The following LMCD1 variants were observed in gnomAD, a reference collection of about 807,000 sequenced individuals.
LMCD1 encodes LIM and cysteine rich domains 1.
In LMCD1, 32 loss-of-function variants were observed where a neutral mutation model predicts 42.7. The ratio of observed to expected loss-of-function variants is 0.75; its 90% CI spans 0.57 to 1.01. The LOEUF (loss-of-function observed/expected upper bound fraction) is 1.01. Among genes scored for constraint, LMCD1 ranks in the 50% least tolerant of loss-of-function variants. The pLI, the probability that LMCD1 is intolerant of heterozygous loss-of-function variation, is 0.00. For missense variants in LMCD1, 458 were observed against 483.1 expected, an observed-to-expected ratio of 0.95 and a Z score of 0.49; for synonymous variants, 178 against 184.9, an observed-to-expected ratio of 0.96 and a Z score of 0.30.
chr3:8,504,070 AG>A (rs1385048299), intron 1 of LMCD1, among the ~76,000 whole-genome samples: 2 of 152,178 alleles, frequency 1.3e-5, no homozygotes, highest in African/African-American at 4.8e-5. Flanking sequence ...ATCCAATTAC[AG>A]GCTTAGAGAA....
At chr3:8,502,992 C>G (rs114040738) in intron 1 of LMCD1, among the ~76,000 whole-genome samples, 100 of 152,284 alleles carry the variant, frequency 6.6e-4, no homozygotes, top group African/African-American at 2.4e-3. Context: ...TTTAACTGCA[C>G]ATGATTCACC....
rs767993356 is a variant in LMCD1 at position 8,524,200 on chromosome 3, G to GA, written c.43-8517dup. ...CCCCAGAAAAATCATACTTCTTAAG[G>GA]AAAAAAAAAAAAAAAAAAAAGACTT... On this transcript the variant is annotated intron_variant, in intron 1 of 5. Transcript: ENST00000157600. Among the ~76,000 whole-genome samples, 863 of 87,394 alleles carry GA rather than the reference G, an allele frequency of 9.9e-3. 3 individuals are homozygous for GA. Among genetic ancestry groups the GA allele is most frequent in the East Asian group, 0.014 (41 of 3,022 alleles). The allele number at this position is 87,394 out of a possible 152,430, so 57.3% of individuals were successfully genotyped here.
intron 1 of LMCD1, among the ~76,000 whole-genome samples, chr3:8,515,516 C>T (rs1389521454): frequency 6.6e-6 from 1 of 152,192 alleles, no homozygotes; most frequent in Non-Finnish European, 1.5e-5. Context: ...GCCTGCTTAA[C>T]TCCTGTACCA....
At chr3:8,517,132 A>G (rs968836863) in intron 1 of LMCD1, among the ~76,000 whole-genome samples, 7 of 152,242 alleles carry the variant, frequency 4.6e-5, no homozygotes, top group African/African-American at 1.7e-4. Flanking sequence ...TTCCTTCTGT[A>G]CAGTGGGAGG....
At chr3:8,558,768 T>C (rs1261988470) in intron 4 of LMCD1, among the ~76,000 whole-genome samples, 3 of 152,224 alleles carry the variant, frequency 2.0e-5, no homozygotes, top group East Asian at 3.8e-4. Flanking sequence ...TGAGCCTTTG[T>C]TGTAACTGAA....
rs76973021 is a variant in LMCD1, at chr3:8,508,717, C to G, written c.42+6737C>G. On this transcript the variant is annotated intron_variant, in intron 1 of 5. Coordinates refer to ENST00000157600, the MANE Select transcript of LMCD1 (RefSeq NM_014583.4). Reference sequence around the variant, plus strand: ...GGCATATCTGAAATTTACAAACTTACATTTACATGAGTGGTGCCACAACCA... The same window carrying G: ...GGCATATCTGAAATTTACAAACTTAGATTTACATGAGTGGTGCCACAACCA... 2.5e-3 allele frequency among the ~76,000 whole-genome samples: 377 copies of G among 152,304 alleles called. 5 individuals carry two copies. Among genetic ancestry groups the G allele is most frequent in the African/African-American group, 8.8e-3 (365 of 41,556 alleles).
At chr3:8,527,714 A>G (rs1325317610) in intron 1 of LMCD1, among the ~76,000 whole-genome samples, 1 of 152,226 alleles carries the variant, frequency 6.6e-6, no homozygotes, top group South Asian at 2.1e-4. Context: ...TTTGGAACGC[A>G]CCACCTCAGA....
rs1694537750 is a variant in LMCD1, at chr3:8,537,650, G to A, written c.387+210G>A. 5 of 507,336 alleles carry A rather than the reference G, an allele frequency of 9.9e-6. No homozygotes were observed. In the East Asian group the frequency reaches 1.6e-4, roughly 16 times the overall value. 31.4% of individuals were successfully genotyped at this position (507,336 alleles called of 1,614,324 possible). Reference sequence around the variant, plus strand: ...TCGGTTTTCCTTATCCATGAAATGGGTAGAGGTGTTCATATGGACCCCAAG... The same window carrying A: ...TCGGTTTTCCTTATCCATGAAATGGATAGAGGTGTTCATATGGACCCCAAG... On this transcript the variant is annotated intron_variant, in intron 3 of 5. Coordinates refer to ENST00000157600, the MANE Select transcript of LMCD1 (RefSeq NM_014583.4).
At chr3:8,532,579 T>C (rs1694432451) in intron 1 of LMCD1, among the ~76,000 whole-genome samples, 158 bp from the exon 2 acceptor site, 1 of 152,192 alleles carries the variant, frequency 6.6e-6, no homozygotes, top group Admixed American at 6.5e-5. Context: ...TGTTTGGTCT[T>C]CTCAGTTCCC....
At chr3:8,545,589 G>A (rs1209912885) in intron 3 of LMCD1, among the ~76,000 whole-genome samples, 3 of 152,158 alleles carry the variant, frequency 2.0e-5, no homozygotes, top group Non-Finnish European at 4.4e-5. Context: ...AAACAGTAGT[G>A]CAAGTAAAGT....
At chr3:8,555,506 T>C (rs1694918700) in intron 4 of LMCD1, among the ~76,000 whole-genome samples, 1 of 152,166 alleles carries the variant, frequency 6.6e-6, no homozygotes, top group African/African-American at 2.4e-5. Context: ...CACCCCTGGC[T>C]CAGGCACCAT....
At chr3:8,519,967 A>G (rs1247489511) in intron 1 of LMCD1, among the ~76,000 whole-genome samples, 4 of 152,006 alleles carry the variant, frequency 2.6e-5, no homozygotes, top group Non-Finnish European at 4.4e-5. Context: ...TTGTCATAAT[A>G]GTTAACCCAG....
At position 8,512,345 on chromosome 3, in the gene LMCD1, C is replaced by T. The variant is rs114872865; in HGVS notation, c.42+10365C>T. On this transcript the variant is annotated intron_variant, in intron 1 of 5. Coordinates refer to ENST00000157600, the MANE Select transcript of LMCD1 (RefSeq NM_014583.4). The stretch of plus-strand genomic sequence containing the variant: ...CCTTCTTGCTGTATTCTAGAGCAGG[C>T]GATGCACTGAAATGAAACACATATG... Among the ~76,000 whole-genome samples, 498 of 152,260 alleles carry T rather than the reference C, an allele frequency of 3.3e-3. 5 individuals carry two copies. The highest frequency in any genetic ancestry group is 0.011 in the African/African-American group (475 of 41,552).
chr3:8,520,926 C>G (rs1694193268), intron 1 of LMCD1, among the ~76,000 whole-genome samples: 1 of 152,214 alleles, frequency 6.6e-6, no homozygotes, highest in Non-Finnish European at 1.5e-5. Flanking sequence ...GCTGACTTTT[C>G]TAGAAACGTG....
At position 8,574,352 on chromosome 3, in the gene LMCD1, A is replaced by T. The variant is rs890745236; in HGVS notation, c.*6754A>T. The T allele has an allele frequency of 6.6e-6, 1 of 152,290 alleles. No homozygotes were observed. The highest frequency in any genetic ancestry group is 2.1e-4 in the South Asian group (1 of 4,834). The allele number at this position is 152,290 out of a possible 1,614,324, so 9.4% of individuals were successfully genotyped here. On this transcript the variant is annotated 3_prime_UTR_variant, in exon 6 of 6. Coordinates refer to ENST00000157600, the MANE Select transcript of LMCD1 (RefSeq NM_014583.4). ...AGACAGCCACACCCAAATCTCATGA[A>T]GCAGTCCCCTTTATTTTAAAAAAGT...
At chr3:8,561,209 G>C (rs1695027944) in intron 4 of LMCD1, among the ~76,000 whole-genome samples, 1 of 152,132 alleles carries the variant, frequency 6.6e-6, no homozygotes, top group Non-Finnish European at 1.5e-5. Flanking sequence ...AGCATCTAAA[G>C]CCAGGCTCAG....
intron 4 of LMCD1, chr3:8,551,408 G>A: frequency 9.9e-6 from 9 of 904,788 alleles, no homozygotes; most frequent in Non-Finnish European, 1.2e-5. Context: ...CACTGTCAGG[G>A]TCTATCTTTA....
At chr3:8,517,575 T>C (rs909682513) in intron 1 of LMCD1, among the ~76,000 whole-genome samples, 5 of 152,210 alleles carry the variant, frequency 3.3e-5, no homozygotes, top group Non-Finnish European at 7.3e-5. Flanking sequence ...ACTGACAACA[T>C]TGAACCATGT....
intron 4 of LMCD1, among the ~76,000 whole-genome samples, chr3:8,563,049 G>C (rs558421560): frequency 6.6e-6 from 1 of 152,312 alleles, no homozygotes; most frequent in African/African-American, 2.4e-5. Context: ...ACACTCATCT[G>C]TTGTCCCCTA....
Sources: allele counts gnomAD v4.1 joint callset (sites outside exome capture counted in the v4.1 genomes callset), GRCh38; gene constraint gnomAD v4.1.1; transcripts MANE v1.5; gene names NCBI Gene and HGNC (gene_info 2026-07-23, HGNC 2026-07-21).